The following PPP1R17 variants were observed in gnomAD, a reference collection of about 807,000 sequenced individuals.
The protein encoded by PPP1R17 is protein phosphatase 1 regulatory subunit 17.
In PPP1R17, 12 loss-of-function variants were observed where a neutral mutation model predicts 15.9. The ratio of observed to expected loss-of-function variants is 0.75; its 90% CI spans 0.48 to 1.22. The LOEUF (loss-of-function observed/expected upper bound fraction) is 1.22. Ranked by LOEUF, PPP1R17 falls within the 50% of genes most tolerant of loss-of-function variation. The probability of loss-of-function intolerance (pLI) is 0.00; values close to 1 mark genes in which losing one functional copy is unlikely to be tolerated. For missense variants in PPP1R17, 211 were observed against 187.3 expected (o/e 1.13, Z -0.74); for synonymous variants, 63 against 64.5 (o/e 0.98, Z 0.11).
Position 31,707,530 on chromosome 7 carries a change from T to G in PPP1R17, c.*247T>G. 4.3e-6 allele frequency: 2 copies of G among 464,358 alleles called. No individual in the cohort carries two copies. Among genetic ancestry groups the G allele is most frequent in the Non-Finnish European group, 7.6e-6 (2 of 263,334 alleles). 28.8% of individuals were successfully genotyped at this position (464,358 alleles called of 1,614,324 possible). A position where few individuals can be genotyped will look rare whatever the true frequency, so the allele number is the denominator to read the frequency against. ...TCTAATGCAGTGGAAAAGAAACAGATCATCCTAAATGAGGAGGTAACAGGG... is the reference window on the plus strand; with the variant it reads ...TCTAATGCAGTGGAAAAGAAACAGAGCATCCTAAATGAGGAGGTAACAGGG... On this transcript the variant is annotated 3_prime_UTR_variant, in exon 5 of 5. Coordinates refer to ENST00000342032, the MANE Select transcript of PPP1R17 (RefSeq NM_006658.5).
At chr7:31,696,859 G>A in intron 3 of PPP1R17, 106 bp from the exon 4 acceptor site, 2 of 1,281,984 alleles carry the variant, frequency 1.6e-6, no homozygotes, top group Non-Finnish European at 2.1e-6. Flanking sequence ...AGTTTGGAAA[G>A]CTATATTGAC....
intron 4 of PPP1R17, among the ~76,000 whole-genome samples, chr7:31,699,514 G>T (rs555265642): frequency 1.3e-5 from 2 of 152,298 alleles, no homozygotes; most frequent in African/African-American, 2.4e-5. Flanking sequence ...AAGTTTGATT[G>T]CTTCCCAAGG....
chr7:31,706,922 C>T (rs1002503405), intron 4 of PPP1R17, among the ~76,000 whole-genome samples: 2 of 152,210 alleles, frequency 1.3e-5, no homozygotes, highest in African/African-American at 4.8e-5. Flanking sequence ...TCCCGCCATG[C>T]TGCAAGCTTA....
At chr7:31,707,083 A>T (rs1793098781) in intron 4 of PPP1R17, 121 bp from the exon 5 acceptor site, 1 of 807,138 alleles carries the variant, frequency 1.2e-6, no homozygotes, top group Non-Finnish European at 1.9e-6. Flanking sequence ...GTTAGCAGGT[A>T]ACCTTGTAGA....
intron 2 of PPP1R17, among the ~76,000 whole-genome samples, chr7:31,693,277 G>T (rs1016967154): frequency 1.3e-5 from 2 of 152,204 alleles, no homozygotes; most frequent in Non-Finnish European, 2.9e-5. Flanking sequence ...GGGTTGAATT[G>T]TAGCCCATGA....
intron 2 of PPP1R17, among the ~76,000 whole-genome samples, chr7:31,694,435 T>C (rs576746095): frequency 1.3e-3 from 180 of 135,374 alleles, no homozygotes; most frequent in Non-Finnish European, 2.3e-3. Context: ...ATTAATATTA[T>C]CTCCACTCTA....
chr7:31,692,500 T>C lies in PPP1R17; in HGVS notation c.59T>C (p.Leu20Pro). The C allele has an allele frequency of 6.2e-7, 1 of 1,609,888 alleles. No individual in the cohort carries two copies. The highest frequency in any genetic ancestry group is 8.5e-7 in the Non-Finnish European group (1 of 1,176,176). The change falls in exon 2 of 5, where the codon CTA (leucine) becomes CCA (proline). Residue 20 changes from leucine to proline, a missense_variant. Physicochemically the swap from Leu to Pro is moderately conservative, Grantham distance 98. Coordinates refer to ENST00000342032, the MANE Select transcript of PPP1R17 (RefSeq NM_006658.5). ...LELSEDRLDK[L>P]DPRCSHLDDL... ...CTCTCAGAAGACAGACTGGACAAGC[T>C]AGACCCTCGTTGCAGCCACTTAGGT...
intron 4 of PPP1R17, among the ~76,000 whole-genome samples, chr7:31,706,719 A>G (rs1269976728): frequency 6.6e-6 from 1 of 152,234 alleles, no homozygotes; most frequent in East Asian, 1.9e-4. Context: ...AAGGACAGGA[A>G]AAGCCGACAT....
intron 1 of PPP1R17, among the ~76,000 whole-genome samples, chr7:31,689,683 A>C (rs1336934597): frequency 6.6e-6 from 1 of 152,072 alleles, no homozygotes; most frequent in Non-Finnish European, 1.5e-5. Flanking sequence ...AGGCTATGAA[A>C]ATTATCAATA....
chr7:31,695,919 G>C (rs1052404660), intron 3 of PPP1R17: 3 of 211,198 alleles, frequency 1.4e-5, no homozygotes, highest in Middle Eastern at 1.8e-3. Flanking sequence ...CATGTGTTTT[G>C]ACATCATAAA....
At chr7:31,699,003 G>A (rs1423331167) in intron 4 of PPP1R17, among the ~76,000 whole-genome samples, 1 of 152,152 alleles carries the variant, frequency 6.6e-6, no homozygotes, top group Non-Finnish European at 1.5e-5. Context: ...CAAGTGCTGG[G>A]CATACACTGG....
chr7:31,699,651 T>TA (rs1792757622), intron 4 of PPP1R17, among the ~76,000 whole-genome samples: 2 of 151,548 alleles, frequency 1.3e-5, no homozygotes, highest in Non-Finnish European at 3.0e-5. Context: ...GTTTTTTTTT[T>TA]AACCAAATTG....
chr7:31,688,273 C>A (rs1488463678), intron 1 of PPP1R17, among the ~76,000 whole-genome samples: 1 of 152,182 alleles, frequency 6.6e-6, no homozygotes, highest in Non-Finnish European at 1.5e-5. Context: ...ATAACTGTCC[C>A]AAGTTCACCC....
chr7:31,697,587 G>A (rs1394389898), intron 4 of PPP1R17, among the ~76,000 whole-genome samples: 1 of 152,150 alleles, frequency 6.6e-6, no homozygotes, highest in Non-Finnish European at 1.5e-5. Context: ...ACTGAACTAT[G>A]AGCACAGCCC....
At chr7:31,705,529 T>C (rs1793030066) in intron 4 of PPP1R17, among the ~76,000 whole-genome samples, 1 of 152,202 alleles carries the variant, frequency 6.6e-6, no homozygotes, top group South Asian at 2.1e-4. Context: ...ACTCTTGAAA[T>C]TGTTTTTCTC....
At chr7:31,698,338 G>A (rs752431121) in intron 4 of PPP1R17, among the ~76,000 whole-genome samples, 2 of 152,142 alleles carry the variant, frequency 1.3e-5, no homozygotes, top group African/African-American at 4.8e-5. Flanking sequence ...TTCTGTCCTT[G>A]TTCCTCCACC....
At chr7:31,691,409 C>T (rs534949380) in intron 1 of PPP1R17, among the ~76,000 whole-genome samples, 83 of 152,262 alleles carry the variant, frequency 5.5e-4, no homozygotes, top group Middle Eastern at 6.8e-3. Flanking sequence ...TTATTTATTC[C>T]TCCCCCACCA....
Position 31,705,986 on chromosome 7 carries a change from ATTTTTTTTTTTTT to A in PPP1R17, c.389-1194_389-1182del, listed in dbSNP as rs550189867. ...GACTTCTGAATTTCACAGACCAGTA[ATTTTTTTTTTTTT>A]TTTTTTTTTTTTTTTTTTTTTTTGA... On this transcript the variant is annotated intron_variant, in intron 4 of 4. Transcript: ENST00000342032. Among the ~76,000 whole-genome samples, 39 of 52,516 alleles carry A rather than the reference ATTTTTTTTTTTTT, an allele frequency of 7.4e-4. 1 individual carries two copies. Among genetic ancestry groups the A allele is most frequent in the Admixed American group, 2.5e-3 (9 of 3,546 alleles). The allele number at this position is 52,516 out of a possible 152,430, so 34.5% of individuals were successfully genotyped here. A position where few individuals can be genotyped will look rare whatever the true frequency, so the allele number is the denominator to read the frequency against.
intron 3 of PPP1R17, 43 bp downstream of exon 3, chr7:31,695,664 T>C: frequency 6.4e-7 from 1 of 1,559,100 alleles, no homozygotes. Flanking sequence ...GGAGAGCCAC[T>C]TGCCACTAGG....
Sources: allele counts gnomAD v4.1 joint callset (sites outside exome capture counted in the v4.1 genomes callset), GRCh38; gene constraint gnomAD v4.1.1; transcripts MANE v1.5; gene names NCBI Gene and HGNC (gene_info 2026-07-23, HGNC 2026-07-21).